The following BMPR1B variants were observed in gnomAD, a reference collection of about 807,000 sequenced individuals.
The protein encoded by BMPR1B is bone morphogenetic protein receptor type 1B, also known as bone morphogenetic protein receptor type-1B.
A neutral mutation model predicts 59.1 loss-of-function variants in BMPR1B; 12 were observed. The observed-to-expected ratio is 0.20, with a 90% CI of 0.13 to 0.33. The LOEUF (loss-of-function observed/expected upper bound fraction) is 0.33, where lower values mean the gene tolerates loss of function less well. Among genes scored for constraint, BMPR1B ranks in the 10% least tolerant of loss-of-function variants. The pLI, the probability that BMPR1B is intolerant of heterozygous loss-of-function variation, is 1.00. For synonymous variants in BMPR1B, 237 were observed against 207.3 expected, an observed-to-expected ratio of 1.14 and a Z score of -1.23; for missense variants, 550 against 610.9, an observed-to-expected ratio of 0.90 and a Z score of 1.05.
chr4:94,875,786 C>CAAA (rs1478070372), intron 1 of BMPR1B, 45 bp from the exon 2 acceptor site: 2 of 152,652 alleles, frequency 1.3e-5, no homozygotes, highest in African/African-American at 4.8e-5. Context: ...ATAAACCTTT[C>CAAA]TCAAGCCACA....
intron 3 of BMPR1B, among the ~76,000 whole-genome samples, chr4:95,044,370 A>G (rs1427110463): frequency 1.3e-5 from 2 of 152,168 alleles, no homozygotes; most frequent in African/African-American, 4.8e-5. Context: ...TGTGCACTTG[A>G]TTGATGCCCA....
intron 2 of BMPR1B, among the ~76,000 whole-genome samples, chr4:94,942,174 A>G (rs1729544209): frequency 6.6e-6 from 1 of 151,048 alleles, no homozygotes; most frequent in Non-Finnish European, 1.5e-5. Context: ...GATTGTGGCA[A>G]GAAATAATTT....
At chr4:95,073,120 C>T (rs1004051146) in intron 3 of BMPR1B, among the ~76,000 whole-genome samples, 3 of 152,152 alleles carry the variant, frequency 2.0e-5, no homozygotes, top group Non-Finnish European at 4.4e-5. Context: ...GAAATCATTG[C>T]TAGAAATAGC....
intron 3 of BMPR1B, among the ~76,000 whole-genome samples, chr4:95,005,260 G>C (rs527897669): frequency 2.6e-5 from 4 of 152,012 alleles, no homozygotes; most frequent in Non-Finnish European, 5.9e-5. Context: ...TAAAATTTTG[G>C]TTATATTTTA....
intron 1 of BMPR1B, among the ~76,000 whole-genome samples, chr4:94,849,195 G>A (rs1346211812): frequency 6.6e-6 from 1 of 152,216 alleles, no homozygotes; most frequent in Non-Finnish European, 1.5e-5. Context: ...ATGAGCAAAG[G>A]AGAATGAGAA....
At chr4:94,789,001 A>C (rs1722860880) in intron 1 of BMPR1B, among the ~76,000 whole-genome samples, 1 of 152,134 alleles carries the variant, frequency 6.6e-6, no homozygotes, top group Non-Finnish European at 1.5e-5. Flanking sequence ...CCCATTTGCT[A>C]TCACTTGCAC....
intron 1 of BMPR1B, among the ~76,000 whole-genome samples, chr4:94,835,361 TATG>T (rs556711186): frequency 2.0e-5 from 3 of 152,108 alleles, no homozygotes; most frequent in South Asian, 2.1e-4. Flanking sequence ...AAATATAAGA[TATG>T]ATGATTTGTT....
chr4:94,832,794 AAAT>A (rs1472260744), intron 1 of BMPR1B, among the ~76,000 whole-genome samples: 2 of 152,122 alleles, frequency 1.3e-5, no homozygotes, highest in Admixed American at 6.5e-5. Flanking sequence ...AAAAAAATAA[AAAT>A]AAGGAAAGGT....
At chr4:94,770,144 A>G (rs1308205143) in intron 1 of BMPR1B, among the ~76,000 whole-genome samples, 1 of 106,366 alleles carries the variant, frequency 9.4e-6, no homozygotes, top group Non-Finnish European at 1.9e-5. Context: ...TCACCTGATC[A>G]TTTGTTTTTA....
intron 1 of BMPR1B, among the ~76,000 whole-genome samples, chr4:94,844,223 TTGTGTGTGTGTG>T (rs150471976): frequency 4.1e-5 from 6 of 146,658 alleles, no homozygotes; most frequent in South Asian, 2.2e-4. Flanking sequence ...TGAATCATCT[TTGTGTGTGTGTG>T]TGTGTGTGTG....
intron 3 of BMPR1B, among the ~76,000 whole-genome samples, chr4:95,053,140 C>G (rs1457580197): frequency 1.3e-5 from 2 of 152,134 alleles, no homozygotes; most frequent in Admixed American, 6.6e-5. Flanking sequence ...TAGAATGTCC[C>G]TTAACATAAT....
chr4:94,995,601 G>C (rs1392980057), intron 2 of BMPR1B, among the ~76,000 whole-genome samples: 3 of 152,124 alleles, frequency 2.0e-5, no homozygotes, highest in African/African-American at 7.2e-5. Flanking sequence ...TTCCTTTCTT[G>C]TCTTTGACTC....
At chr4:95,058,559 G>A (rs1042965440) in intron 3 of BMPR1B, among the ~76,000 whole-genome samples, 3 of 152,132 alleles carry the variant, frequency 2.0e-5, no homozygotes, top group Non-Finnish European at 4.4e-5. Context: ...TAATGTAACA[G>A]GACATCTTAA....
At chr4:94,765,227 A>T (rs1237878225) in intron 1 of BMPR1B, among the ~76,000 whole-genome samples, 5 of 152,168 alleles carry the variant, frequency 3.3e-5, no homozygotes, top group Non-Finnish European at 5.9e-5. Flanking sequence ...ATAGTTTTGT[A>T]TATATGTATG....
chr4:95,129,423 A>G (rs1236369907), intron 8 of BMPR1B, among the ~76,000 whole-genome samples: 5 of 151,412 alleles, frequency 3.3e-5, no homozygotes, highest in African/African-American at 9.7e-5. Flanking sequence ...CCCTGCATAT[A>G]GATTTCCTTT....
At chr4:94,780,487 C>T (rs951611842) in intron 1 of BMPR1B, among the ~76,000 whole-genome samples, 1 of 151,798 alleles carries the variant, frequency 6.6e-6, no homozygotes, top group Non-Finnish European at 1.5e-5. Context: ...AACATGTATG[C>T]CCAAGGTTTT....
At chr4:95,129,055 T>C (rs1010834031) in intron 8 of BMPR1B, among the ~76,000 whole-genome samples, 3 of 151,792 alleles carry the variant, frequency 2.0e-5, no homozygotes, top group Admixed American at 6.6e-5. Flanking sequence ...TTATTTCTTA[T>C]GTTATACCCA....
At chr4:94,763,053 T>C (rs999443200) in intron 1 of BMPR1B, among the ~76,000 whole-genome samples, 1 of 152,172 alleles carries the variant, frequency 6.6e-6, no homozygotes, top group Non-Finnish European at 1.5e-5. Context: ...GCCTATAGTA[T>C]GTCCTAGGAA....
chr4:95,154,434 A>G, intron 12 of BMPR1B, 114 bp from the exon 13 acceptor site: 1 of 1,455,956 alleles, frequency 6.9e-7, no homozygotes, highest in African/African-American at 1.4e-5. Context: ...ACATGGTTTT[A>G]AGGGTACCTT....
Sources: allele counts gnomAD v4.1 joint callset (sites outside exome capture counted in the v4.1 genomes callset), GRCh38; gene constraint gnomAD v4.1.1; transcripts MANE v1.5; gene names NCBI Gene and HGNC (gene_info 2026-07-23, HGNC 2026-07-21).